GRB2: variants seen among roughly 807,000 people sequenced by gnomAD.
GRB2 encodes the protein growth factor receptor bound protein 2, also known as growth factor receptor-bound protein 2.
Under a neutral mutation model 27.4 loss-of-function variants are expected in GRB2, and 2 were observed. The ratio of observed to expected loss-of-function variants is 0.07; its 90% CI spans 0.03 to 0.23. GRB2 has a LOEUF of 0.23. Ranked by LOEUF, GRB2 falls within the 10% of genes least tolerant of loss-of-function variation. GRB2 has a pLI of 1.00. For missense variants in GRB2, 102 were observed against 282.4 expected, an observed-to-expected ratio of 0.36 and a Z score of 4.58; for synonymous variants, 94 against 99.6, an observed-to-expected ratio of 0.94 and a Z score of 0.33.
At chr17:75,331,940 C>A (rs142964021) in intron 3 of GRB2, among the ~76,000 whole-genome samples, 3 of 152,164 alleles carry the variant, frequency 2.0e-5, no homozygotes, top group African/African-American at 7.2e-5. Context: ...TGAAAGTCTC[C>A]GCCACCAGCT....
intron 2 of GRB2, among the ~76,000 whole-genome samples, chr17:75,376,221 T>C (rs912239246): frequency 6.7e-6 from 1 of 150,086 alleles, no homozygotes; most frequent in Admixed American, 6.7e-5. Flanking sequence ...CATGCGCCTA[T>C]ATAGTCCCAG....
chr17:75,338,315 T>G (rs1284105721), intron 2 of GRB2, among the ~76,000 whole-genome samples: 1 of 152,110 alleles, frequency 6.6e-6, no homozygotes, highest in Non-Finnish European at 1.5e-5. Context: ...TCTGCCCACC[T>G]TGGCCTCCCA....
At chr17:75,402,778 G>A (rs1218288014) in intron 1 of GRB2, among the ~76,000 whole-genome samples, 1 of 152,094 alleles carries the variant, frequency 6.6e-6, no homozygotes, top group Non-Finnish European at 1.5e-5. Context: ...TGCATGAAAT[G>A]AAAATAATGC....
At chr17:75,370,181 C>T (rs2078846787) in intron 2 of GRB2, among the ~76,000 whole-genome samples, 1 of 152,174 alleles carries the variant, frequency 6.6e-6, no homozygotes, top group Admixed American at 6.5e-5. Flanking sequence ...GTTCAAGCTC[C>T]AAGGCTGCCA....
chr17:75,351,262 A>G lies in GRB2; in HGVS notation c.79-18465T>C, dbSNP rs115156027. ...CTCCCTCTCAAAAGATTCCCTCTGTACTTCTGTAGGAACAGGGTGCACAGG... is the reference window on the plus strand; with the variant it reads ...CTCCCTCTCAAAAGATTCCCTCTGTGCTTCTGTAGGAACAGGGTGCACAGG... On this transcript the variant is annotated intron_variant, in intron 2 of 5. Transcript: ENST00000316804. 9.5e-3 allele frequency among the ~76,000 whole-genome samples: 1,444 copies of G among 152,270 alleles called. 28 individuals carry two copies. Among genetic ancestry groups the G allele is most frequent in the South Asian group, 0.049 (234 of 4,822 alleles).
chr17:75,349,573 C>A (rs2078676429), intron 2 of GRB2, among the ~76,000 whole-genome samples: 1 of 136,830 alleles, frequency 7.3e-6, no homozygotes, highest in Non-Finnish European at 1.5e-5. Context: ...TGCAGTGATG[C>A]GATCTTGGCC....
chr17:75,381,357 G>A (rs1172748293), intron 2 of GRB2, among the ~76,000 whole-genome samples: 1 of 152,106 alleles, frequency 6.6e-6, no homozygotes, highest in African/African-American at 2.4e-5. Context: ...ACAGTGAAGT[G>A]GAAATACTGC....
chr17:75,404,376 G>C lies in GRB2; in HGVS notation c.-138+1113C>G, dbSNP rs551424978. The stretch of plus-strand genomic sequence containing the variant: ...TCTGGCTGACTGCAGGGAACGCAGG[G>C]GACGCGCAAAAGTAAAGGAACGAAA... On this transcript the variant is annotated intron_variant, in intron 1 of 5. Transcript: ENST00000316804. Among the ~76,000 whole-genome samples, 8 of 152,108 alleles carry C rather than the reference G, an allele frequency of 5.3e-5. No individual in the cohort carries two copies. The South Asian group carries it at 6.2e-4, about 12-fold the overall frequency.
intron 2 of GRB2, among the ~76,000 whole-genome samples, chr17:75,365,714 G>A (rs1193990922): frequency 6.6e-6 from 1 of 152,086 alleles, no homozygotes; most frequent in African/African-American, 2.4e-5. Flanking sequence ...AAAAAAAACC[G>A]CCAGTACAAT....
chr17:75,329,442 T>C (rs1388723256), intron 3 of GRB2, among the ~76,000 whole-genome samples: 1 of 152,130 alleles, frequency 6.6e-6, no homozygotes, highest in Non-Finnish European at 1.5e-5. Flanking sequence ...CTGTGTTTTC[T>C]TGCCCCCAGC....
intron 2 of GRB2, among the ~76,000 whole-genome samples, chr17:75,354,179 A>G (rs1158366009): frequency 6.8e-6 from 1 of 147,468 alleles, no homozygotes; most frequent in African/African-American, 2.5e-5. Context: ...TGGGCTGAAC[A>G]GCATTTTCCC....
In GRB2 at chr17:75,383,513, G is replaced by C. The variant is rs2078943044; in HGVS notation, c.78+10038C>G. On this transcript the variant is annotated intron_variant, in intron 2 of 5. Coordinates refer to ENST00000316804, the MANE Select transcript of GRB2 (RefSeq NM_002086.5). Reference sequence around the variant, plus strand: ...ATAGCATTAATAAAACTAAAAGCTAGCAATTACTGTCTACTTTATGCTAGT... The same window carrying C: ...ATAGCATTAATAAAACTAAAAGCTACCAATTACTGTCTACTTTATGCTAGT... Among the ~76,000 whole-genome samples the C allele has an allele frequency of 4.6e-5, 7 of 152,196 alleles. No homozygotes were observed. The South Asian group carries it at 1.5e-3, about 32-fold the overall frequency.
intron 2 of GRB2, among the ~76,000 whole-genome samples, chr17:75,383,857 G>C (rs2078945591): frequency 6.6e-6 from 1 of 151,500 alleles, no homozygotes; most frequent in Non-Finnish European, 1.5e-5. Context: ...TTCCCAAAAA[G>C]AAAACAACAA....
intron 2 of GRB2, among the ~76,000 whole-genome samples, chr17:75,354,089 C>T (rs1338419250): frequency 6.6e-6 from 1 of 151,822 alleles, no homozygotes; most frequent in Non-Finnish European, 1.5e-5. Flanking sequence ...TGTTTTGAGT[C>T]CTTGCATGTC....
At chr17:75,368,193 A>G (rs1470745996) in intron 2 of GRB2, among the ~76,000 whole-genome samples, 2 of 147,476 alleles carry the variant, frequency 1.4e-5, no homozygotes, top group Non-Finnish European at 3.0e-5. Flanking sequence ...GGGATTAAAG[A>G]TAAGAGGCAC....
chr17:75,386,021 T>C (rs2078961554), intron 2 of GRB2, among the ~76,000 whole-genome samples: 1 of 152,206 alleles, frequency 6.6e-6, no homozygotes, highest in African/African-American at 2.4e-5. Context: ...ATTGACAGTA[T>C]TGGCAGAAAA....
intron 2 of GRB2, among the ~76,000 whole-genome samples, chr17:75,345,319 C>T (rs2078648248): frequency 6.6e-6 from 1 of 152,152 alleles, no homozygotes; most frequent in East Asian, 1.9e-4. Flanking sequence ...TGTGGGATTA[C>T]AGGCGTGAAC....
intron 1 of GRB2, among the ~76,000 whole-genome samples, chr17:75,404,639 A>C (rs1178579668): frequency 6.6e-6 from 1 of 152,078 alleles, no homozygotes; most frequent in African/African-American, 2.4e-5. Flanking sequence ...GAAGGAAGGA[A>C]ATAACTGGAG....
chr17:75,390,572 A>G (rs2078992049), intron 2 of GRB2, among the ~76,000 whole-genome samples: 1 of 152,216 alleles, frequency 6.6e-6, no homozygotes, highest in Non-Finnish European at 1.5e-5. Flanking sequence ...TTTATAAGAG[A>G]GAGAAACAAA....
Sources: allele counts gnomAD v4.1 joint callset (sites outside exome capture counted in the v4.1 genomes callset), GRCh38; gene constraint gnomAD v4.1.1; transcripts MANE v1.5; gene names NCBI Gene and HGNC (gene_info 2026-07-23, HGNC 2026-07-21).